TENM2: variants seen among roughly 807,000 people sequenced by gnomAD.
TENM2 encodes teneurin-2.
Under a neutral mutation model 245.2 loss-of-function variants are expected in TENM2, and 52 were observed. The ratio of observed to expected loss-of-function variants is 0.21; its 90% CI spans 0.17 to 0.27. The LOEUF (loss-of-function observed/expected upper bound fraction) is 0.27, where lower values mean the gene tolerates loss of function less well. TENM2 is among the 10% of genes least tolerant of loss of function. TENM2 has a pLI of 1.00. For synonymous variants in TENM2, 1,363 were observed against 1,438.9 expected (o/e 0.95, Z 1.19); for missense variants, 3,046 against 3,666.8 (o/e 0.83, Z 4.37).
chr5:167,868,346 G>A (rs1187036846), intron 2 of TENM2, among the ~76,000 whole-genome samples: 1 of 151,896 alleles, frequency 6.6e-6, no homozygotes, highest in Non-Finnish European at 1.5e-5. Flanking sequence ...AATATAGAAG[G>A]TAGGTTAATA....
intron 23 of TENM2, among the ~76,000 whole-genome samples, chr5:168,225,376 A>G (rs1006730282): frequency 6.6e-6 from 1 of 152,206 alleles, no homozygotes; most frequent in African/African-American, 2.4e-5. Context: ...ACCAATGGGA[A>G]AAGAGTGTGG....
chr5:168,146,832 A>G (rs574028942), intron 12 of TENM2, among the ~76,000 whole-genome samples: 1 of 152,362 alleles, frequency 6.6e-6, no homozygotes, highest in African/African-American at 2.4e-5. Context: ...TTTACTTGAC[A>G]GAAACCAGGC....
chr5:168,190,186 G>A (rs1473016544), intron 13 of TENM2, 151 bp from the exon 16 acceptor site: 12 of 576,562 alleles, frequency 2.1e-5, no homozygotes, highest in Non-Finnish European at 3.7e-5. Flanking sequence ...GATTGGAATT[G>A]GATGAGGCTT....
chr5:167,052,040 A>G, the TENM2 span, among the ~76,000 whole-genome samples: 11 of 152,298 alleles, frequency 7.2e-5, no homozygotes, highest in Admixed American at 7.2e-4. Flanking sequence ...TTTGTAGTAT[A>G]AGCAACTGAC....
At chr5:167,348,927 G>A (rs1234399150) in intron 1 of TENM2, among the ~76,000 whole-genome samples, 1 of 152,102 alleles carries the variant, frequency 6.6e-6, no homozygotes, top group African/African-American at 2.4e-5. Flanking sequence ...AGTTGACCCC[G>A]TTGTTGTTTG....
chr5:167,538,335 G>A (rs1319037172), intron 2 of TENM2, among the ~76,000 whole-genome samples: 2 of 152,198 alleles, frequency 1.3e-5, no homozygotes, highest in Non-Finnish European at 1.5e-5. Context: ...CAAACACTTT[G>A]AACTTGATAC....
At chr5:167,568,485 A>C (rs1774049072) in intron 2 of TENM2, among the ~76,000 whole-genome samples, 1 of 152,152 alleles carries the variant, frequency 6.6e-6, no homozygotes, top group African/African-American at 2.4e-5. Flanking sequence ...GCAGTGAACA[A>C]CAACAACAAC....
At chr5:167,565,681 T>C (rs1013301496) in intron 2 of TENM2, among the ~76,000 whole-genome samples, 1 of 152,198 alleles carries the variant, frequency 6.6e-6, no homozygotes, top group African/African-American at 2.4e-5. Context: ...TCCCATTTCA[T>C]AGACGGAGAA....
intron 2 of TENM2, among the ~76,000 whole-genome samples, chr5:167,379,081 C>A (rs779937958): frequency 3.9e-5 from 6 of 152,042 alleles, no homozygotes; most frequent in Non-Finnish European, 8.8e-5. Context: ...TAAATAAGTA[C>A]AATGTTCATT....
the TENM2 span, among the ~76,000 whole-genome samples, chr5:167,257,843 G>A: frequency 6.6e-6 from 1 of 152,170 alleles, no homozygotes; most frequent in Non-Finnish European, 1.5e-5. Flanking sequence ...TGACAAAAAG[G>A]AGCTAGAAGT....
intron 7 of TENM2, among the ~76,000 whole-genome samples, chr5:168,072,549 T>A (rs963249551): frequency 6.6e-6 from 1 of 152,040 alleles, no homozygotes; most frequent in African/African-American, 2.4e-5. Context: ...ACCTGACAAG[T>A]TAAGAAATGA....
At chr5:167,464,814 T>C (rs1265997403) in intron 2 of TENM2, among the ~76,000 whole-genome samples, 1 of 152,216 alleles carries the variant, frequency 6.6e-6, no homozygotes, top group Non-Finnish European at 1.5e-5. Flanking sequence ...GTTTCATTAG[T>C]ATTAGCAAGA....
chr5:167,981,656 C>T (rs544151179), intron 4 of TENM2, among the ~76,000 whole-genome samples: 1 of 152,242 alleles, frequency 6.6e-6, no homozygotes, highest in South Asian at 2.1e-4. Context: ...AAAGAGATGG[C>T]ATAGTTAGAA....
chr5:167,177,500 G>A, the TENM2 span, among the ~76,000 whole-genome samples: 1 of 152,160 alleles, frequency 6.6e-6, no homozygotes, highest in Admixed American at 6.5e-5. Flanking sequence ...GTATTCCCTG[G>A]TAGGTTCACT....
At chr5:167,206,899 A>G in the TENM2 span, among the ~76,000 whole-genome samples, 1 of 152,198 alleles carries the variant, frequency 6.6e-6, no homozygotes, top group African/African-American at 2.4e-5. Context: ...AGGCAAACAG[A>G]CAAATGAAGA....
At chr5:167,683,468 C>T (rs1232391014) in intron 2 of TENM2, among the ~76,000 whole-genome samples, 1 of 152,174 alleles carries the variant, frequency 6.6e-6, no homozygotes, top group Non-Finnish European at 1.5e-5. Context: ...TCGTTAAAAA[C>T]TAGAGTGTGG....
chr5:167,880,046 CT>C (rs1161669705), intron 3 of TENM2, among the ~76,000 whole-genome samples: 1 of 151,996 alleles, frequency 6.6e-6, no homozygotes, highest in Non-Finnish European at 1.5e-5. Context: ...AAAATCGTTA[CT>C]TTTTTTATTT....
At chr5:167,938,576 G>GA (rs1410270588) in intron 3 of TENM2, 5 of 152,168 alleles carry the variant, frequency 3.3e-5, no homozygotes, top group Non-Finnish European at 7.3e-5. Context: ...TCAAGGCCAG[G>GA]AACTCTGTAC....
At chr5:167,393,422 G>T (rs1330102986) in intron 2 of TENM2, among the ~76,000 whole-genome samples, 1 of 152,136 alleles carries the variant, frequency 6.6e-6, no homozygotes, top group Non-Finnish European at 1.5e-5. Context: ...AGAGAAACTA[G>T]CTGTGAAAGG....
Sources: gnomAD v4.1 joint callset for allele counts (sites outside exome capture counted in the v4.1 genomes callset) on GRCh38, gnomAD v4.1.1 for gene constraint, MANE v1.5 for transcripts, NCBI Gene and HGNC (gene_info 2026-07-23, HGNC 2026-07-21) for gene names.